The following RPS6KA4 variants were observed in gnomAD, a reference collection of about 807,000 sequenced individuals.
The protein encoded by RPS6KA4 is ribosomal protein S6 kinase alpha-4.
In RPS6KA4, 38 loss-of-function variants were observed where a neutral mutation model predicts 89.6. That is an observed-to-expected ratio of 0.42 (90% CI 0.33 to 0.56). RPS6KA4 has a LOEUF of 0.56. RPS6KA4 is among the 20% of genes least tolerant of loss of function. RPS6KA4 has a pLI of 0.07. For synonymous variants in RPS6KA4, 495 were observed against 492.8 expected, an observed-to-expected ratio of 1.00 and a Z score of -0.06; for missense variants, 873 against 1,098.8, an observed-to-expected ratio of 0.79 and a Z score of 2.90.
At position 64,361,037 on chromosome 11, in the gene RPS6KA4, C is replaced by T. The variant is rs1037891967; in HGVS notation, c.463-97C>T. On this transcript the variant is annotated intron_variant, in intron 4 of 16. Coordinates refer to ENST00000334205, the MANE Select transcript of RPS6KA4 (RefSeq NM_003942.3). The surrounding 1 kb of genome is among the most constrained non-coding windows in gnomAD (Gnocchi z 4.7). ...ACCCCCTCTACAGGCAGATGACTTTCTCTGGGGGGTCTCCTTATCCTGAGC... is the reference window on the plus strand; with the variant it reads ...ACCCCCTCTACAGGCAGATGACTTTTTCTGGGGGGTCTCCTTATCCTGAGC... The T allele has an allele frequency of 1.0e-6, 1 of 959,322 alleles. No homozygotes were observed. Among genetic ancestry groups the T allele is most frequent in the Non-Finnish European group, 1.6e-6 (1 of 636,708 alleles). The allele number at this position is 959,322 out of a possible 1,614,324, so 59.4% of individuals were successfully genotyped here. A position where few individuals can be genotyped will look rare whatever the true frequency, so the allele number is the denominator to read the frequency against.
intron 9 of RPS6KA4, among the ~76,000 whole-genome samples, chr11:64,366,899 T>G (rs2036898418): frequency 6.6e-6 from 1 of 152,218 alleles, no homozygotes; most frequent in Non-Finnish European, 1.5e-5. Context: ...CAAGTATGGC[T>G]GGATAAGTCC....
At chr11:64,359,670 AC>A in intron 2 of RPS6KA4, 3 of 575,578 alleles carry the variant, frequency 5.2e-6, no homozygotes, top group South Asian at 4.2e-5. Context: ...GTGCGTGCAT[AC>A]CCCCCTGGAT....
In RPS6KA4 at chr11:64,365,432, C is replaced by T. The variant is rs139579817; in HGVS notation, c.1038C>T (p.Gly346=). ...TRLEPVYSPP[G]SPPPGDPRIF... is the part of the protein sequence containing the mutation. ...TGGAGCCTGTCTACTCACCCCCTGG[C>T]AGCCCCCCACCTGGGGACCCCCGAA... The change falls in exon 9 of 17, where the codon GGC becomes GGT. Residue 346 remains glycine (G), a synonymous_variant. Transcript: ENST00000334205. The T allele has an allele frequency of 1.9e-3, 3,115 of 1,613,978 alleles. 23 individuals carry two copies. In the Middle Eastern group the frequency reaches 0.021, roughly 11 times the overall value.
Position 64,369,502 on chromosome 11 carries a change from C to T in RPS6KA4, c.1485C>T (p.Ile495=). 6.2e-7 allele frequency: 1 copy of T among 1,610,282 alleles called. No individual in the cohort carries two copies. Among genetic ancestry groups the T allele is most frequent in the Non-Finnish European group, 8.5e-7 (1 of 1,179,026 alleles). ...GGGGCGGGGAGCTGCTGGAGCACAT[C>T]CGCAAGAAGCGGCACTTCAGCGAGT... is the stretch of plus-strand genomic sequence containing the variant. The part of the protein sequence containing the change: ...LLRGGELLEH[I]RKKRHFSESE... The change falls in exon 13 of 17, where the codon ATC becomes ATT. Residue 495 remains isoleucine (I), a synonymous_variant. Transcript: ENST00000334205.
chr11:64,365,223 C>A, intron 8 of RPS6KA4, 78 bp from the exon 9 acceptor site: 1 of 1,528,116 alleles, frequency 6.5e-7, no homozygotes, highest in South Asian at 1.2e-5. Context: ...GGAGGAACTG[C>A]CCAGTGAGGG....
Position 64,365,427 on chromosome 11 carries a change from C to T in RPS6KA4, c.1033C>T (p.Pro345Ser). ...FTRLEPVYSP[P>S]GSPPPGDPRI... ...TCGGCTGGAGCCTGTCTACTCACCCCCTGGCAGCCCCCCACCTGGGGACCC... is the reference window on the plus strand; with the variant it reads ...TCGGCTGGAGCCTGTCTACTCACCCTCTGGCAGCCCCCCACCTGGGGACCC... Residue 345 changes from proline (P) to serine (S), a missense_variant, in exon 9 of 17, where the codon CCT becomes TCT. Coordinates refer to ENST00000334205, the MANE Select transcript of RPS6KA4 (RefSeq NM_003942.3). 1.2e-6 allele frequency: 2 copies of T among 1,614,086 alleles called. No individual in the cohort carries two copies. Among genetic ancestry groups the T allele is most frequent in the Non-Finnish European group, 1.7e-6 (2 of 1,180,022 alleles).
At position 64,368,795 on chromosome 11, in the gene RPS6KA4, C is replaced by G. The variant is rs1195406507; in HGVS notation, c.1426C>G (p.Gln476Glu). 3 of 1,563,044 alleles carry G rather than the reference C, an allele frequency of 1.9e-6. No homozygotes were observed. In the South Asian group the frequency reaches 3.5e-5, roughly 18 times the overall value. ...VVNLHEVHHD[Q>E]LHTYLVLELL... ...GAATCTGCACGAGGTGCATCACGAC[C>G]AGGTGATGGCTTCCGGCCAGGGGAG... Residue 476 changes from glutamine (Q) to glutamate (E), a missense_variant and splice_region_variant, in exon 12 of 17, where the codon CAG becomes GAG. This residue lies in a region of RPS6KA4 where 542 missense variants were observed against 736.4 expected (regional missense o/e 0.74). Coordinates refer to ENST00000334205, the MANE Select transcript of RPS6KA4 (RefSeq NM_003942.3).
chr11:64,366,433 T>C (rs1044221291), intron 9 of RPS6KA4, among the ~76,000 whole-genome samples: 1 of 152,156 alleles, frequency 6.6e-6, no homozygotes, highest in African/African-American at 2.4e-5. Flanking sequence ...CCTCCCAAAG[T>C]GCTGGGATTA....
At chr11:64,371,223 C>T in intron 16 of RPS6KA4, 60 bp from the exon 17 acceptor site, 1 of 1,548,818 alleles carries the variant, frequency 6.5e-7, no homozygotes, top group South Asian at 1.1e-5. Context: ...GGAGGTCAAA[C>T]TAGATCTGGA....
chr11:64,366,510 C>T (rs190446740), intron 9 of RPS6KA4, among the ~76,000 whole-genome samples: 1 of 152,324 alleles, frequency 6.6e-6, no homozygotes, highest in East Asian at 1.9e-4. Flanking sequence ...TTGGACAAGT[C>T]CAAACTCCCT....
intron 2 of RPS6KA4, chr11:64,359,809 T>C (rs2036692442): frequency 1.9e-6 from 1 of 525,912 alleles, no homozygotes; most frequent in Non-Finnish European, 3.4e-6. Context: ...GCGCATCCCT[T>C]CCCCAGCCAG....
rs977415848 is a variant in RPS6KA4 at position 64,370,118 on chromosome 11, G to A, written c.1798-107G>A. ...AGAAGTCAGGGTTCACCACGCGTGGGTCTCAGGAGTGCCCCTAGTGGGGAG... is the reference window on the plus strand; with the variant it reads ...AGAAGTCAGGGTTCACCACGCGTGGATCTCAGGAGTGCCCCTAGTGGGGAG... On this transcript the variant is annotated intron_variant, in intron 14 of 16. Transcript: ENST00000334205. This position sits in a 1 kb window ranked among gnomAD's most constrained non-coding sequence, Gnocchi z 4.1. The A allele has an allele frequency of 2.3e-5, 31 of 1,326,512 alleles. 1 individual carries two copies. The highest frequency in any genetic ancestry group is 3.0e-5 in the Non-Finnish European group (29 of 982,426). The allele number at this position is 1,326,512 out of a possible 1,614,324, so 82.2% of individuals were successfully genotyped here. A position where few individuals can be genotyped will look rare whatever the true frequency, so the allele number is the denominator to read the frequency against.
intron 9 of RPS6KA4, among the ~76,000 whole-genome samples, chr11:64,366,242 C>A (rs553358219): frequency 2.6e-5 from 4 of 150,946 alleles, no homozygotes; most frequent in South Asian, 2.1e-4. Flanking sequence ...TAGATCTTGG[C>A]TCACTGAAAT....
rs776640922 is a variant in RPS6KA4, at chr11:64,365,307, G to C, written c.913G>C (p.Asp305His). 1.2e-6 allele frequency: 2 copies of C among 1,612,954 alleles called. No individual in the cohort carries two copies. Among genetic ancestry groups the C allele is most frequent in the Non-Finnish European group, 1.7e-6 (2 of 1,179,330 alleles). Residue 305 changes from aspartate to histidine, a missense_variant, in exon 9 of 17, where the codon GAT becomes CAT. Coordinates refer to ENST00000334205, the MANE Select transcript of RPS6KA4 (RefSeq NM_003942.3). ...VRNHPFFQGL[D>H]WVALAARKIP... ...TCTGATTCCCTTCCCTCAGGGCCTC[G>C]ATTGGGTGGCTCTGGCTGCCAGGAA...
In RPS6KA4 at chr11:64,368,245, G is replaced by T. The variant is rs1176235771; in HGVS notation, c.1185G>T (p.Arg395Ser). ...GGCCAGGTCGGGCAGCGGTGGCCAG[G>T]AGCGCTATGATGCAGGTGGGCTGGG... Reference protein sequence around the residue: ...GDRPGRAAVARSAMMQDSPFF... With the variant: ...GDRPGRAAVASSAMMQDSPFF... The change falls in exon 10 of 17, where the codon AGG becomes AGT. Residue 395 changes from arginine to serine, a missense_variant. This residue lies in a region of RPS6KA4 where 542 missense variants were observed against 736.4 expected (regional missense o/e 0.74). Transcript: ENST00000334205. 1.2e-6 allele frequency: 2 copies of T among 1,613,438 alleles called. No individual in the cohort carries two copies. Among genetic ancestry groups the T allele is most frequent in the Non-Finnish European group, 1.7e-6 (2 of 1,180,006 alleles).
chr11:64,364,783 A>C lies in RPS6KA4; in HGVS notation c.907-518A>C, dbSNP rs1307920466. ...GATGGGGTTTTCGCTCTTGTCGCCC[A>C]GGCTGGAGTGCAGTGGCGCTATCTT... On this transcript the variant is annotated intron_variant, in intron 8 of 16. Transcript: ENST00000334205. Among the ~76,000 whole-genome samples, 3 of 138,536 alleles carry C rather than the reference A, an allele frequency of 2.2e-5. No individual in the cohort carries two copies. The East Asian group carries it at 6.3e-4, about 29-fold the overall frequency. The allele number at this position is 138,536 out of a possible 152,430, so 90.9% of individuals were successfully genotyped here. A position where few individuals can be genotyped will look rare whatever the true frequency, so the allele number is the denominator to read the frequency against.
chr11:64,361,987 C>G lies in RPS6KA4; in HGVS notation c.891C>G (p.Asn297Lys). ...AGPQGAQEVR[N>K]HPFFQGLDWV... ...CCCAGGGGGCACAAGAAGTCCGGAACCATCCCTTCTTCCAGGTGAGGCTGA... is the reference window on the plus strand; with the variant it reads ...CCCAGGGGGCACAAGAAGTCCGGAAGCATCCCTTCTTCCAGGTGAGGCTGA... Residue 297 changes from asparagine to lysine, a missense_variant, in exon 8 of 17, where the codon AAC becomes AAG. By Grantham distance (94) the Asn-to-Lys change is moderately conservative. This residue lies in a region of RPS6KA4 where 542 missense variants were observed against 736.4 expected (regional missense o/e 0.74). Transcript: ENST00000334205. The surrounding 1 kb of genome is among the most constrained non-coding windows in gnomAD (Gnocchi z 4.7). The G allele has an allele frequency of 6.2e-7, 1 of 1,609,570 alleles. No individual in the cohort carries two copies.
At chr11:64,371,250 G>C (rs1413403307) in intron 16 of RPS6KA4, 33 bp from the exon 17 acceptor site, 1 of 1,604,038 alleles carries the variant, frequency 6.2e-7, no homozygotes, top group South Asian at 1.1e-5. Flanking sequence ...GGTCAGGCGG[G>C]GGTGGGGGCA....
chr11:64,361,786 G>C lies in RPS6KA4; in HGVS notation c.755+41G>C, dbSNP rs368199556. 6.3e-7 allele frequency: 1 copy of C among 1,585,664 alleles called. No individual in the cohort carries two copies. The highest frequency in any genetic ancestry group is 1.1e-5 in the South Asian group (1 of 88,552). Reference sequence around the variant, plus strand: ...CGTGGAGGGCGGCCAGAGGGCTGCAGGGCCTGCCTGGGCAGGGCTGTGGGT... The same window carrying C: ...CGTGGAGGGCGGCCAGAGGGCTGCACGGCCTGCCTGGGCAGGGCTGTGGGT... On this transcript the variant is annotated intron_variant, in intron 7 of 16. Transcript: ENST00000334205. The surrounding 1 kb of genome is among the most constrained non-coding windows in gnomAD (Gnocchi z 4.7).
Sources: gnomAD v4.1 joint callset for allele counts (sites outside exome capture counted in the v4.1 genomes callset) on GRCh38, gnomAD v4.1.1 for gene constraint, gnomAD v4.1.1 regional missense constraint, Gnocchi (gnomAD v3.1) non-coding constraint, MANE v1.5 for transcripts, NCBI Gene and HGNC (gene_info 2026-07-23, HGNC 2026-07-21) for gene names.